Variants in TENM4 observed in about 807,000 individuals in gnomAD.
TENM4 encodes teneurin-4.
TENM4 carries 82 observed loss-of-function variants against 243.3 expected under a neutral mutation model. That is an observed-to-expected ratio of 0.34 (90% CI 0.28 to 0.40). TENM4 has a LOEUF of 0.40. Ranked by LOEUF, TENM4 falls within the 10% of genes least tolerant of loss-of-function variation. The pLI is 1.00. For missense variants in TENM4, 3,138 were observed against 3,673.3 expected, an observed-to-expected ratio of 0.85 and a Z score of 3.77; for synonymous variants, 1,412 against 1,456.3, an observed-to-expected ratio of 0.97 and a Z score of 0.69.
At chr11:78,671,886 CA>C in intron 31 of TENM4, 146 bp downstream of exon 31, 1 of 1,068,140 alleles carries the variant, frequency 9.4e-7, no homozygotes, top group Non-Finnish European at 1.3e-6. Flanking sequence ...CTTGGGACCC[CA>C]TGCCCTCTGT....
chr11:79,349,503 C>G (rs773156298), intron 1 of TENM4, among the ~76,000 whole-genome samples: 1 of 152,190 alleles, frequency 6.6e-6, no homozygotes, highest in East Asian at 1.9e-4. Flanking sequence ...ATCATTCCTT[C>G]GTTCATAAAT....
intron 6 of TENM4, among the ~76,000 whole-genome samples, chr11:78,980,800 A>G (rs143679603): frequency 1.3e-5 from 2 of 152,314 alleles, no homozygotes; most frequent in African/African-American, 4.8e-5. Flanking sequence ...TGAGAGCTCT[A>G]CTGAAGTGTT....
chr11:79,335,920 C>T (rs1857140215), intron 1 of TENM4, among the ~76,000 whole-genome samples: 1 of 152,164 alleles, frequency 6.6e-6, no homozygotes, highest in Non-Finnish European at 1.5e-5. Flanking sequence ...CAGCAGACCG[C>T]TCCCTCCCTT....
chr11:79,017,251 G>A (rs886285859), intron 6 of TENM4, among the ~76,000 whole-genome samples: 9 of 152,214 alleles, frequency 5.9e-5, no homozygotes, highest in African/African-American at 2.2e-4. Context: ...AGGAATGGCT[G>A]AAGGAATAGT....
At chr11:79,138,166 C>T (rs1041488318) in intron 4 of TENM4, among the ~76,000 whole-genome samples, 1 of 150,670 alleles carries the variant, frequency 6.6e-6, no homozygotes, top group African/African-American at 2.4e-5. Context: ...ATCTTTCTCT[C>T]ATGCTGGATG....
chr11:78,687,278 C>T (rs1388523680), intron 29 of TENM4, among the ~76,000 whole-genome samples: 3 of 152,084 alleles, frequency 2.0e-5, no homozygotes, highest in Non-Finnish European at 2.9e-5. Context: ...CCAAGGGTCA[C>T]GGTGGGTGAT....
At chr11:79,302,608 T>G (rs185619976) in intron 1 of TENM4, among the ~76,000 whole-genome samples, 2 of 152,354 alleles carry the variant, frequency 1.3e-5, no homozygotes, top group East Asian at 3.9e-4. Context: ...TATTTATGAA[T>G]ATTTTCTGAA....
intron 2 of TENM4, among the ~76,000 whole-genome samples, chr11:79,256,542 C>T (rs888493665): frequency 2.0e-5 from 3 of 152,206 alleles, no homozygotes; most frequent in Non-Finnish European, 4.4e-5. Context: ...GAAACCAAAG[C>T]AATCAGTGAG....
chr11:79,141,353 C>T (rs1313430027), intron 4 of TENM4, among the ~76,000 whole-genome samples: 1 of 152,074 alleles, frequency 6.6e-6, no homozygotes, highest in African/African-American at 2.4e-5. Flanking sequence ...TTAGAGACTA[C>T]TATGAGCAAC....
intron 4 of TENM4, among the ~76,000 whole-genome samples, chr11:79,111,518 C>G (rs1278808406): frequency 6.6e-6 from 1 of 152,140 alleles, no homozygotes. Context: ...GCACTCCAGT[C>G]TGGGCAACAG....
chr11:78,932,930 C>A (rs1267540111), intron 6 of TENM4, among the ~76,000 whole-genome samples: 2 of 152,176 alleles, frequency 1.3e-5, no homozygotes, highest in East Asian at 1.9e-4. Context: ...AGGCCACGGT[C>A]CGGTACAGGT....
chr11:79,170,570 A>T (rs1591330567), intron 3 of TENM4, among the ~76,000 whole-genome samples: 1 of 152,202 alleles, frequency 6.6e-6, no homozygotes, highest in East Asian at 1.9e-4. Context: ...ATAGTGACAC[A>T]GACATGCACA....
chr11:78,836,528 A>C (rs752192414), intron 12 of TENM4, among the ~76,000 whole-genome samples: 14 of 152,096 alleles, frequency 9.2e-5, no homozygotes, highest in Non-Finnish European at 1.6e-4. Flanking sequence ...AGTAAGCTAA[A>C]CTCTTACACA....
At chr11:78,865,330 A>T (rs1858942164) in intron 9 of TENM4, among the ~76,000 whole-genome samples, 1 of 152,186 alleles carries the variant, frequency 6.6e-6, no homozygotes, top group African/African-American at 2.4e-5. Context: ...ACGAGACTAT[A>T]ATCCCAAACT....
intron 6 of TENM4, among the ~76,000 whole-genome samples, chr11:78,962,537 C>G (rs1318208280): frequency 6.6e-6 from 1 of 152,142 alleles, no homozygotes; most frequent in Admixed American, 6.5e-5. Flanking sequence ...AAAGTTGCTG[C>G]AAACTCCTTC....
At chr11:79,181,125 A>G (rs540248406) in intron 3 of TENM4, among the ~76,000 whole-genome samples, 3 of 152,252 alleles carry the variant, frequency 2.0e-5, no homozygotes, top group African/African-American at 7.2e-5. Context: ...CAAAACCAGC[A>G]AAGACATTAC....
intron 29 of TENM4, among the ~76,000 whole-genome samples, chr11:78,683,711 G>C (rs1222412679): frequency 6.7e-6 from 1 of 149,754 alleles, no homozygotes; most frequent in Non-Finnish European, 1.5e-5. Context: ...CGGTACCTCA[G>C]ATGGAAATGC....
In TENM4 at chr11:79,064,900, C is replaced by A. The variant is rs1339828660; in HGVS notation, c.331G>T (p.Ala111Ser). The change falls in exon 6 of 34, where the codon GCT (alanine) becomes TCT (serine). Residue 111 changes from alanine (A) to serine (S), a missense_variant. Physicochemically the swap from Ala to Ser is moderately conservative, Grantham distance 99. Transcript: ENST00000278550. The part of the protein sequence containing the change: ...GLPHCGYSMG[A>S]GSDADMEADT... ...GCCTCCATGTCGGCATCAGAGCCAG[C>A]CCCCATGGAGTAGCCGCAGTGGGGG... 3.9e-6 allele frequency: 6 copies of A among 1,548,658 alleles called. No individual in the cohort carries two copies. In the Admixed American group the frequency reaches 9.8e-5, roughly 25 times the overall value.
At chr11:78,769,778 C>G (rs1471399337) in intron 18 of TENM4, among the ~76,000 whole-genome samples, 1 of 152,246 alleles carries the variant, frequency 6.6e-6, no homozygotes, top group Non-Finnish European at 1.5e-5. Flanking sequence ...TGGATTTAGG[C>G]AGCAGGTGGA....
Sources: gnomAD v4.1 joint callset for allele counts (sites outside exome capture counted in the v4.1 genomes callset) on GRCh38, gnomAD v4.1.1 for gene constraint, MANE v1.5 for transcripts, NCBI Gene and HGNC (gene_info 2026-07-23, HGNC 2026-07-21) for gene names.